Variants in CISD2 observed in about 807,000 individuals in gnomAD.
CISD2 encodes CDGSH iron-sulfur domain-containing protein 2.
In CISD2, 1 loss-of-function variant was observed where a neutral mutation model predicts 12.9. The observed-to-expected ratio is 0.08, with a 90% CI of 0.03 to 0.37. The LOEUF (loss-of-function observed/expected upper bound fraction) is 0.37, where lower values mean the gene tolerates loss of function less well. Among genes scored for constraint, CISD2 ranks in the 10% least tolerant of loss-of-function variants. The pLI is 0.99. For synonymous variants in CISD2, 50 were observed against 60.6 expected (o/e 0.83, Z 0.81); for missense variants, 97 against 163.1 (o/e 0.59, Z 2.21).
intron 1 of CISD2, among the ~76,000 whole-genome samples, chr4:102,871,230 T>G (rs1733438526): frequency 6.6e-6 from 1 of 152,220 alleles, no homozygotes; most frequent in Admixed American, 6.5e-5. Context: ...TGGCTAGATT[T>G]TAGAAGTATG....
At chr4:102,880,596 T>C (rs1215986181) in intron 1 of CISD2, among the ~76,000 whole-genome samples, 1 of 151,948 alleles carries the variant, frequency 6.6e-6, no homozygotes, top group Non-Finnish European at 1.5e-5. Context: ...AAGAATCACT[T>C]GAACCTGGGA....
chr4:102,879,575 C>T (rs1387295915), intron 1 of CISD2, among the ~76,000 whole-genome samples: 2 of 152,038 alleles, frequency 1.3e-5, no homozygotes, highest in Non-Finnish European at 2.9e-5. Flanking sequence ...AGTTTGAGAC[C>T]AGCCTGGCCA....
At chr4:102,869,425 C>T (rs754426371) in intron 1 of CISD2, 5 of 709,172 alleles carry the variant, frequency 7.1e-6, no homozygotes, top group East Asian at 2.7e-5. Flanking sequence ...GGTGTCATTC[C>T]GTGGCAAGAT....
rs895089424 is a variant in CISD2, at chr4:102,888,942, T to C, written c.*1512T>C. The C allele has an allele frequency of 6.6e-6, 1 of 152,260 alleles. No homozygotes were observed. The highest frequency in any genetic ancestry group is 2.4e-5 in the African/African-American group (1 of 41,470). 9.4% of individuals were successfully genotyped at this position (152,260 alleles called of 1,614,324 possible). Reference sequence around the variant, plus strand: ...TTAAGATACAGTTTATTCAGTTCACTTTGCTTTCTTTTTATAAGAATGTAC... The same window carrying C: ...TTAAGATACAGTTTATTCAGTTCACCTTGCTTTCTTTTTATAAGAATGTAC... On this transcript the variant is annotated 3_prime_UTR_variant, in exon 3 of 3. Transcript: ENST00000273986.
At chr4:102,884,095 G>A (rs72935542) in intron 1 of CISD2, among the ~76,000 whole-genome samples, 2,795 of 152,160 alleles carry the variant, frequency 0.018, 80 homozygotes, top group African/African-American at 0.061. Flanking sequence ...ACCAAGATAG[G>A]CACAGATTTT....
chr4:102,877,540 G>A lies in CISD2; in HGVS notation c.104-7676G>A, dbSNP rs184689941. ...CTTTTCCAGATGCATGGTGCAAGCT[G>A]TTGTTAGATATACCATTCTGGGGTC... On this transcript the variant is annotated intron_variant, in intron 1 of 2. Coordinates refer to ENST00000273986, the MANE Select transcript of CISD2 (RefSeq NM_001008388.5). Among the ~76,000 whole-genome samples the A allele has an allele frequency of 1.6e-3, 245 of 152,350 alleles. 2 individuals carry two copies. The highest frequency in any genetic ancestry group is 2.8e-3 in the Non-Finnish European group (189 of 68,036).
rs140327084 is a variant in CISD2 at position 102,875,923 on chromosome 4, A to G, written c.103+6736A>G. Among the ~76,000 whole-genome samples the G allele has an allele frequency of 2.4e-3, 362 of 152,270 alleles. 2 individuals are homozygous for G. Among genetic ancestry groups the G allele is most frequent in the African/African-American group, 8.5e-3 (354 of 41,538 alleles). On this transcript the variant is annotated intron_variant, in intron 1 of 2. Coordinates refer to ENST00000273986, the MANE Select transcript of CISD2 (RefSeq NM_001008388.5). ...CAAGTGCTTGAGCTCCTGGCTTCTC[A>G]TTCGTTAGGTCTCTGCTTAAAGGTT...
intron 1 of CISD2, among the ~76,000 whole-genome samples, chr4:102,882,421 G>C (rs1022598527): frequency 2.6e-5 from 4 of 152,148 alleles, no homozygotes; most frequent in Non-Finnish European, 5.9e-5. Context: ...CATATGCAAA[G>C]AACTCAAAAA....
intron 1 of CISD2, among the ~76,000 whole-genome samples, chr4:102,875,158 C>T (rs997249476): frequency 6.6e-6 from 1 of 152,240 alleles, no homozygotes. Context: ...CATGTCATAT[C>T]TCCGTACCTT....
chr4:102,879,960 G>A (rs1407266386), intron 1 of CISD2, among the ~76,000 whole-genome samples: 1 of 150,342 alleles, frequency 6.7e-6, no homozygotes, highest in Non-Finnish European at 1.5e-5. Context: ...TTATTTTTTT[G>A]AGATAGAGTC....
intron 1 of CISD2, chr4:102,869,392 C>G: frequency 4.1e-6 from 3 of 733,170 alleles, no homozygotes; most frequent in East Asian, 5.4e-5. Flanking sequence ...GCCCCAGGGT[C>G]TTTTGTCCTC....
chr4:102,873,170 T>G (rs1733504469), intron 1 of CISD2, among the ~76,000 whole-genome samples: 3 of 152,132 alleles, frequency 2.0e-5, no homozygotes, highest in South Asian at 4.1e-4. Context: ...TGGCACGAGA[T>G]TATGGGGATT....
rs752651575 is a variant in CISD2 at position 102,869,094 on chromosome 4, G to C, written c.10G>C (p.Glu4Gln). 4 of 1,611,144 alleles carry C rather than the reference G, an allele frequency of 2.5e-6. No homozygotes were observed. The East Asian group carries it at 8.9e-5, about 36-fold the overall frequency. ...GACGCCGCTGGCCAGGATGGTGCTGGAGAGCGTGGCCCGTATCGTGAAGGT... is the reference window on the plus strand; with the variant it reads ...GACGCCGCTGGCCAGGATGGTGCTGCAGAGCGTGGCCCGTATCGTGAAGGT... The part of the protein sequence containing the change: MVL[E>Q]SVARIVKVQL... The change falls in exon 1 of 3, where the codon GAG (glutamate) becomes CAG (glutamine). Residue 4 changes from glutamate to glutamine, a missense_variant. Physicochemically the swap from Glu to Gln is conservative, Grantham distance 29. Coordinates refer to ENST00000273986, the MANE Select transcript of CISD2 (RefSeq NM_001008388.5).
rs1383364713 is a variant in CISD2 at position 102,887,569 on chromosome 4, A to G, written c.*139A>G. 39 of 545,830 alleles carry G rather than the reference A, an allele frequency of 7.1e-5. No individual in the cohort carries two copies. Among genetic ancestry groups the G allele is most frequent in the Middle Eastern group, 1.0e-3 (2 of 1,986 alleles). 33.8% of individuals were successfully genotyped at this position (545,830 alleles called of 1,614,324 possible). A position where few individuals can be genotyped will look rare whatever the true frequency, so the allele number is the denominator to read the frequency against. The stretch of plus-strand genomic sequence containing the variant: ...ACTGTTTGTATTTGATCCTTTGTCT[A>G]TTCAGTCACTTAATTAGAAATTAAA... On this transcript the variant is annotated 3_prime_UTR_variant, in exon 3 of 3. Transcript: ENST00000273986.
intron 1 of CISD2, among the ~76,000 whole-genome samples, chr4:102,871,571 AT>A (rs928763479): frequency 6.6e-6 from 1 of 152,168 alleles, no homozygotes; most frequent in African/African-American, 2.4e-5. Flanking sequence ...GGACAAAACA[AT>A]TGCAGGGTTT....
intron 2 of CISD2, among the ~76,000 whole-genome samples, chr4:102,885,999 G>T (rs1459951889): frequency 6.6e-6 from 1 of 152,114 alleles, no homozygotes; most frequent in Non-Finnish European, 1.5e-5. Context: ...TCTGTTTCTT[G>T]TACTTGATCA....
intron 1 of CISD2, among the ~76,000 whole-genome samples, chr4:102,875,352 G>A (rs1733568905): frequency 1.3e-5 from 2 of 152,178 alleles, no homozygotes; most frequent in Non-Finnish European, 2.9e-5. Flanking sequence ...ATAGTACACA[G>A]TATTATGATC....
At chr4:102,878,141 G>A (rs181484762) in intron 1 of CISD2, among the ~76,000 whole-genome samples, 7 of 151,670 alleles carry the variant, frequency 4.6e-5, no homozygotes, top group African/African-American at 7.3e-5. Context: ...TTGGGGGGGC[G>A]GGGGGAAGGA....
intron 1 of CISD2, among the ~76,000 whole-genome samples, chr4:102,871,426 C>A (rs1737341572): frequency 6.6e-6 from 1 of 152,166 alleles, no homozygotes; most frequent in South Asian, 2.1e-4. Context: ...ATTTTAATAA[C>A]ATACATTTAA....
Sources: gnomAD v4.1 joint callset for allele counts (sites outside exome capture counted in the v4.1 genomes callset) on GRCh38, gnomAD v4.1.1 for gene constraint, MANE v1.5 for transcripts, NCBI Gene and HGNC (gene_info 2026-07-23, HGNC 2026-07-21) for gene names.